STYK1: variants seen among roughly 807,000 people sequenced by gnomAD.
The protein encoded by STYK1 is STY kinase 1.
A neutral mutation model predicts 48.1 loss-of-function variants in STYK1; 46 were observed. The observed-to-expected ratio is 0.96, with a 90% CI of 0.75 to 1.22. STYK1 has a LOEUF of 1.22. Ranked by LOEUF, STYK1 falls within the 50% of genes most tolerant of loss-of-function variation. The pLI is 0.00. For synonymous variants in STYK1, 188 were observed against 189.0 expected (o/e 0.99, Z 0.04); for missense variants, 527 against 521.1 (o/e 1.01, Z -0.11).
rs758032996 is a variant in STYK1 at position 10,629,652 on chromosome 12, T to C, written c.474A>G (p.Val158=). The change falls in exon 6 of 11, where the codon GTA becomes GTG. Residue 158 remains valine, a synonymous_variant. Transcript: ENST00000075503. ...ATTGGATTCGCCCTAAGAAATCTTG[T>C]ACCTCATGGAGCCCAGCTGGTTCTG... is the stretch of plus-strand genomic sequence containing the variant. ...ALKEPAGLHE[V]QDFLGRIQFH... is the part of the protein sequence containing the mutation. 2 of 1,614,176 alleles carry C rather than the reference T, an allele frequency of 1.2e-6. No homozygotes were observed. Among genetic ancestry groups the C allele is most frequent in the Non-Finnish European group, 1.7e-6 (2 of 1,180,030 alleles).
chr12:10,624,172 G>C (rs1292019382), intron 8 of STYK1, among the ~76,000 whole-genome samples: 1 of 151,350 alleles, frequency 6.6e-6, no homozygotes, highest in Non-Finnish European at 1.5e-5. Context: ...TGTAATCCCA[G>C]CACTTTGGGA....
chr12:10,649,317 A>G (rs1477061296), intron 1 of STYK1, among the ~76,000 whole-genome samples: 1 of 152,226 alleles, frequency 6.6e-6, no homozygotes. Context: ...AATTAAAAAT[A>G]GAAAAAATAA....
chr12:10,661,674 G>A (rs112692490), intron 1 of STYK1, among the ~76,000 whole-genome samples: 11 of 152,292 alleles, frequency 7.2e-5, no homozygotes, highest in African/African-American at 2.6e-4. Flanking sequence ...TGACGAAACT[G>A]GGGCACAGAG....
intron 1 of STYK1, among the ~76,000 whole-genome samples, chr12:10,657,210 C>A (rs1275649029): frequency 6.6e-6 from 1 of 152,144 alleles, no homozygotes; most frequent in Non-Finnish European, 1.5e-5. Context: ...CTGTGCCTGC[C>A]TATTAGGCTC....
At chr12:10,621,484 T>G (rs1865905623) in intron 10 of STYK1, among the ~76,000 whole-genome samples, 1 of 152,184 alleles carries the variant, frequency 6.6e-6, no homozygotes, top group African/African-American at 2.4e-5. Flanking sequence ...ATGACAGCTG[T>G]CTGAACTGTG....
intron 1 of STYK1, chr12:10,640,566 G>C (rs1049827214): frequency 2.0e-5 from 3 of 152,142 alleles, no homozygotes; most frequent in African/African-American, 4.8e-5. Flanking sequence ...ATGAACACTA[G>C]AGAAAGTGTT....
chr12:10,629,220 T>C (rs1374438792), intron 6 of STYK1, among the ~76,000 whole-genome samples: 3 of 152,224 alleles, frequency 2.0e-5, no homozygotes, highest in Non-Finnish European at 2.9e-5. Context: ...TTACTTAAAA[T>C]TAAATAAAAT....
rs1947766703 is a variant in STYK1 at position 10,660,630 on chromosome 12, C to A, written c.-195+13336G>T. ...CAAGATACAGGTCACAGTGACATTT[C>A]TGATAAAACAGAATGTGGCAAAGAA... On this transcript the variant is annotated intron_variant, in intron 1 of 10. Coordinates refer to ENST00000075503, the MANE Select transcript of STYK1 (RefSeq NM_018423.3). Among the ~76,000 whole-genome samples the A allele has an allele frequency of 1.2e-4, 4 of 32,414 alleles. No homozygotes were observed. The Admixed American group carries it at 2.2e-3, about 18-fold the overall frequency. The allele number at this position is 32,414 out of a possible 152,430, so 21.3% of individuals were successfully genotyped here.
At position 10,620,116 on chromosome 12, in the gene STYK1, T is replaced by C. The variant is rs1339449229; in HGVS notation, c.*28A>G. The stretch of plus-strand genomic sequence containing the variant: ...AATTGATTCCAAGAACATATACTCA[T>C]GCATGAATGTTTCTTGCCCGAGACT... On this transcript the variant is annotated 3_prime_UTR_variant, in exon 11 of 11. Transcript: ENST00000075503. 7 of 1,610,780 alleles carry C rather than the reference T, an allele frequency of 4.3e-6. No homozygotes were observed. In the East Asian group the frequency reaches 8.9e-5, roughly 21 times the overall value.
rs149269676 is a variant in STYK1, at chr12:10,631,168, G to C, written c.328C>G (p.Arg110Gly). 1 of 1,614,168 alleles carries C rather than the reference G, an allele frequency of 6.2e-7. No homozygotes were observed. Among genetic ancestry groups the C allele is most frequent in the Admixed American group, 1.7e-5 (1 of 60,018 alleles). The change falls in exon 5 of 11, where the codon CGG becomes GGG. Residue 110 changes from arginine (R) to glycine (G), a missense_variant. By Grantham distance (125) the Arg-to-Gly change is moderately radical. Coordinates refer to ENST00000075503, the MANE Select transcript of STYK1 (RefSeq NM_018423.3). ...TPALAKLQVP[R>G]EQLSEVLEQI... ...TCCAGAACTTCAGAGAGTTGCTCCC[G>C]CGGCACCTGCAGCTTAGCCAGGGCA...
chr12:10,664,925 T>C (rs547625787), intron 1 of STYK1, among the ~76,000 whole-genome samples: 2 of 152,342 alleles, frequency 1.3e-5, no homozygotes, highest in South Asian at 4.1e-4. Context: ...TTTTACCAAC[T>C]TCATATTGCA....
intron 1 of STYK1, among the ~76,000 whole-genome samples, chr12:10,664,512 T>C (rs1241989458): frequency 6.6e-6 from 1 of 152,156 alleles, no homozygotes; most frequent in East Asian, 1.9e-4. Flanking sequence ...CAAGGATCAA[T>C]GAACTTCTTT....
chr12:10,669,676 T>A (rs1947872002), intron 1 of STYK1, among the ~76,000 whole-genome samples: 3 of 151,950 alleles, frequency 2.0e-5, no homozygotes, highest in Admixed American at 6.5e-5. Context: ...AAGGAAAAAA[T>A]CAACAGAGTG....
At chr12:10,643,560 TTAAA>T (rs1219836557) in intron 1 of STYK1, among the ~76,000 whole-genome samples, 1 of 152,234 alleles carries the variant, frequency 6.6e-6, no homozygotes. Flanking sequence ...CACTCAGATG[TTAAA>T]TAATTAATCA....
At chr12:10,623,074 C>T (rs1329128847) in intron 8 of STYK1, among the ~76,000 whole-genome samples, 1 of 147,994 alleles carries the variant, frequency 6.8e-6, no homozygotes, top group African/African-American at 2.7e-5. Flanking sequence ...TTATTCTTAG[C>T]ACAAATTCAA....
intron 1 of STYK1, among the ~76,000 whole-genome samples, chr12:10,637,718 C>G (rs1290907575): frequency 6.6e-6 from 1 of 152,180 alleles, no homozygotes; most frequent in Non-Finnish European, 1.5e-5. Flanking sequence ...CCTCACCACA[C>G]AGAGGCCACC....
At chr12:10,627,333 A>G (rs1947369784) in intron 7 of STYK1, among the ~76,000 whole-genome samples, 1 of 152,324 alleles carries the variant, frequency 6.6e-6, no homozygotes, top group Non-Finnish European at 1.5e-5. Flanking sequence ...ATGTAAAATT[A>G]TCAAGTAAAT....
intron 9 of STYK1, 62 bp downstream of exon 9, chr12:10,622,576 C>A: frequency 1.1e-5 from 17 of 1,598,654 alleles, no homozygotes; most frequent in Non-Finnish European, 1.5e-5. Flanking sequence ...TCATCCACCC[C>A]TTAAATAAAC....
rs115244429 is a variant in STYK1 at position 10,627,500 on chromosome 12, G to C, written c.717+141C>G. Reference sequence around the variant, plus strand: ...GACTAAAAACAATTTATCCATGCTTGAGTTTCTGCCCCCTAACTTCTATCT... The same window carrying C: ...GACTAAAAACAATTTATCCATGCTTCAGTTTCTGCCCCCTAACTTCTATCT... On this transcript the variant is annotated intron_variant, in intron 7 of 10. Coordinates refer to ENST00000075503, the MANE Select transcript of STYK1 (RefSeq NM_018423.3). 595 of 649,916 alleles carry C rather than the reference G, an allele frequency of 9.2e-4. 5 individuals are homozygous for C. In the African/African-American group the frequency reaches 9.2e-3, roughly 10 times the overall value. The allele number at this position is 649,916 out of a possible 1,614,324, so 40.3% of individuals were successfully genotyped here. A position where few individuals can be genotyped will look rare whatever the true frequency, so the allele number is the denominator to read the frequency against.
Sources: gnomAD v4.1 joint callset for allele counts (sites outside exome capture counted in the v4.1 genomes callset) on GRCh38, gnomAD v4.1.1 for gene constraint, MANE v1.5 for transcripts, NCBI Gene and HGNC (gene_info 2026-07-23, HGNC 2026-07-21) for gene names.